The following PPRC1 variants were observed in gnomAD, a reference collection of about 807,000 sequenced individuals.
PPRC1 encodes the protein PPARG related coactivator 1, also known as peroxisome proliferator-activated receptor gamma coactivator-related protein 1.
In PPRC1, 23 loss-of-function variants were observed where a neutral mutation model predicts 132.5. That is an observed-to-expected ratio of 0.17 (90% CI 0.12 to 0.25). The LOEUF (loss-of-function observed/expected upper bound fraction) is 0.25, where lower values mean the gene tolerates loss of function less well. Ranked by LOEUF, PPRC1 falls within the 10% of genes least tolerant of loss-of-function variation. PPRC1 has a pLI of 1.00. For synonymous variants in PPRC1, 872 were observed against 833.5 expected, an observed-to-expected ratio of 1.05 and a Z score of -0.80; for missense variants, 2,006 against 2,089.1, an observed-to-expected ratio of 0.96 and a Z score of 0.78.
At chr10:102,131,808 C>G (rs1200134523), upstream of PPRC1, among the ~76,000 whole-genome samples, 3 of 152,150 alleles carry the variant, frequency 2.0e-5, no homozygotes, top group African/African-American at 7.2e-5. Context: ...CAGATGTGTG[C>G]CACCATGTCC....
chr10:102,142,074 C>G (rs1056044107), intron 5 of PPRC1, 70 bp downstream of exon 5: 56 of 1,482,824 alleles, frequency 3.8e-5, no homozygotes, highest in African/African-American at 9.9e-5. Flanking sequence ...GATAAGCCAC[C>G]CTGATGAGGC....
chr10:102,140,433 T>C lies in PPRC1; in HGVS notation c.1925T>C (p.Val642Ala), dbSNP rs1261606979. 2 of 1,614,192 alleles carry C rather than the reference T, an allele frequency of 1.2e-6. No individual in the cohort carries two copies. Among genetic ancestry groups the C allele is most frequent in the Admixed American group, 1.7e-5 (1 of 60,030 alleles). ...INPVLADSAA[V>A]DPAVVPISDN... is the part of the protein sequence containing the mutation. ...CCAGTCCTGGCTGACTCAGCAGCAGTTGACCCTGCAGTGGTTCCCATCTCA... is the reference window on the plus strand; with the variant it reads ...CCAGTCCTGGCTGACTCAGCAGCAGCTGACCCTGCAGTGGTTCCCATCTCA... Residue 642 changes from valine to alanine, a missense_variant, in exon 5 of 14, where the codon GTT becomes GCT. Val to Ala is a moderately conservative substitution (Grantham distance 64, BLOSUM62 0). This residue lies in a region of PPRC1 where 1,914 missense variants were observed against 1,917.2 expected (regional missense o/e 1.00). Coordinates refer to ENST00000278070, the MANE Select transcript of PPRC1 (RefSeq NM_015062.5).
Position 102,133,041 on chromosome 10 carries a change from G to C in PPRC1, c.-28G>C. 2.4e-6 allele frequency: 3 copies of C among 1,239,742 alleles called. No individual in the cohort carries two copies. Among genetic ancestry groups the C allele is most frequent in the Non-Finnish European group, 3.0e-6 (3 of 987,946 alleles). 76.8% of individuals were successfully genotyped at this position (1,239,742 alleles called of 1,614,324 possible). ...CTGGGCGAGGCGGCGCCAGCGATCA[G>C]AGCAGCGCTGGGTGTTCAGGGGCCA... On this transcript the variant is annotated 5_prime_UTR_variant, in exon 1 of 14. Coordinates refer to ENST00000278070, the MANE Select transcript of PPRC1 (RefSeq NM_015062.5).
chr10:102,130,038 AC>A (rs1396874910), upstream of PPRC1, among the ~76,000 whole-genome samples: 2 of 152,182 alleles, frequency 1.3e-5, no homozygotes, highest in Non-Finnish European at 2.9e-5. Flanking sequence ...TATACAGAAA[AC>A]TGTGAACAAG....
In PPRC1 at chr10:102,148,482, G is replaced by A. The variant is rs1007963069; in HGVS notation, c.4511G>A (p.Arg1504Gln). Reference protein sequence around the residue: ...SSSSSSRSRSRSPSPRRRSDR... With the variant: ...SSSSSSRSRSQSPSPRRRSDR... The stretch of plus-strand genomic sequence containing the variant: ...TCATCCAGTTCTCGAAGCCGCTCAC[G>A]ATCCCCATCCCCCCGCCGGAGAAGT... Residue 1504 changes from arginine to glutamine, a missense_variant, in exon 10 of 14, where the codon CGA becomes CAA. Transcript: ENST00000278070. The surrounding 1 kb of genome is among the most constrained non-coding windows in gnomAD (Gnocchi z 4.2). The A allele has an allele frequency of 5.0e-6, 8 of 1,613,060 alleles. No individual in the cohort carries two copies. Among genetic ancestry groups the A allele is most frequent in the African/African-American group, 1.3e-5 (1 of 74,858 alleles).
chr10:102,144,364 C>A, intron 7 of PPRC1, 57 bp downstream of exon 7: 1 of 1,531,026 alleles, frequency 6.5e-7, no homozygotes, highest in Non-Finnish European at 9.0e-7. Context: ...AGCCGGCTGA[C>A]ACTCCAGGAC....
Position 102,136,321 on chromosome 10 carries a change from G to C in PPRC1, c.154-1529G>C, listed in dbSNP as rs140674392. ...GAGGGTATATATTGCCGGGGTGTGG[G>C]GGGTGGGGGTGTGGAAGACACCTGT... On this transcript the variant is annotated intron_variant, in intron 1 of 13. Transcript: ENST00000278070. Among the ~76,000 whole-genome samples, 1,482 of 152,254 alleles carry C rather than the reference G, an allele frequency of 9.7e-3. 15 individuals are homozygous for C. The highest frequency in any genetic ancestry group is 0.034 in the African/African-American group (1,422 of 41,544).
In PPRC1 at chr10:102,148,252, A is replaced by T; in HGVS notation, c.4401-120A>T. 8.4e-7 allele frequency: 1 copy of T among 1,187,056 alleles called. No homozygotes were observed. Among genetic ancestry groups the T allele is most frequent in the Non-Finnish European group, 1.2e-6 (1 of 837,982 alleles). The allele number at this position is 1,187,056 out of a possible 1,614,324, so 73.5% of individuals were successfully genotyped here. ...AAAATTGTTCTTCTAGACCTCTTCT[A>T]CTCTGCTTTGTCTTTGGTCCTGAGC... On this transcript the variant is annotated intron_variant, in intron 9 of 13. Transcript: ENST00000278070. This position sits in a 1 kb window ranked among gnomAD's most constrained non-coding sequence, Gnocchi z 4.2.
At chr10:102,132,968 T>C (rs2068573388), upstream of PPRC1, 1 of 1,227,678 alleles carries the variant, frequency 8.1e-7, no homozygotes, top group Admixed American at 4.2e-5. Flanking sequence ...CTGGGATTCG[T>C]AGTCTTGCAG....
In PPRC1 at chr10:102,137,911, C is replaced by A; in HGVS notation, c.215C>A (p.Ser72Tyr). Reference protein sequence around the residue: ...GFVSLSRLGPSLRDKDLEMEE... With the variant: ...GFVSLSRLGPYLRDKDLEMEE... ...GTCAGTCTCTCTCGGCTGGGCCCAT[C>A]TCTGAGGGACAAGGACCTGGAAATG... Residue 72 changes from serine (S) to tyrosine (Y), a missense_variant, in exon 2 of 14, where the codon TCT (serine) becomes TAT (tyrosine). This residue lies in a region of PPRC1 where 1,914 missense variants were observed against 1,917.2 expected (regional missense o/e 1.00). Transcript: ENST00000278070. The A allele has an allele frequency of 2.5e-6, 4 of 1,614,140 alleles. No individual in the cohort carries two copies. In the South Asian group the frequency reaches 4.4e-5, roughly 18 times the overall value.
At chr10:102,142,511 C>T (rs552003162) in intron 5 of PPRC1, among the ~76,000 whole-genome samples, 5 of 143,762 alleles carry the variant, frequency 3.5e-5, no homozygotes, top group African/African-American at 5.3e-5. Flanking sequence ...CTCCGCCTCC[C>T]GGGTTCAAGC....
At chr10:102,145,977 C>T (rs1410472032) in intron 8 of PPRC1, among the ~76,000 whole-genome samples, 1 of 152,038 alleles carries the variant, frequency 6.6e-6, no homozygotes, top group Non-Finnish European at 1.5e-5. Context: ...GCTTGAGAAA[C>T]TCTATCAGGT....
In PPRC1 at chr10:102,148,850, C is replaced by T. The variant is rs1422317601; in HGVS notation, c.4651C>T (p.Pro1551Ser). The change falls in exon 12 of 14, where the codon CCT (proline) becomes TCT (serine). Residue 1551 changes from proline to serine, a missense_variant. Transcript: ENST00000278070. This position sits in a 1 kb window ranked among gnomAD's most constrained non-coding sequence, Gnocchi z 4.2. ...AAGGGTGGTCTTCATTGGAAAGATACCTGGCCGCATGACTCGATCAGAGCT... is the reference window on the plus strand; with the variant it reads ...AAGGGTGGTCTTCATTGGAAAGATATCTGGCCGCATGACTCGATCAGAGCT... ...ERRVVFIGKI[P>S]GRMTRSELKQ... The T allele has an allele frequency of 3.1e-6, 5 of 1,614,128 alleles. No individual in the cohort carries two copies. The South Asian group carries it at 3.3e-5, about 11-fold the overall frequency.
At chr10:102,144,110 T>G (rs1217967081) in intron 6 of PPRC1, 140 bp from the exon 7 acceptor site, 3 of 787,292 alleles carry the variant, frequency 3.8e-6, no homozygotes, top group African/African-American at 1.7e-5. Context: ...TGGAGGAGAC[T>G]AGATCTCTTT....
intron 1 of PPRC1, among the ~76,000 whole-genome samples, chr10:102,135,541 G>T (rs1056226518): frequency 1.6e-4 from 25 of 152,062 alleles, no homozygotes; most frequent in Admixed American, 4.6e-4. Context: ...ACCACACATG[G>T]CTAATTTTTG....
intron 5 of PPRC1, 48 bp from the exon 6 acceptor site, chr10:102,142,997 T>C: frequency 1.9e-6 from 3 of 1,542,980 alleles, no homozygotes; most frequent in Non-Finnish European, 2.7e-6. Flanking sequence ...ACCTGTGTAC[T>C]AAGTTGATAG....
intron 12 of PPRC1, 65 bp from the exon 13 acceptor site, chr10:102,149,113 G>A (rs1381900982): frequency 1.3e-6 from 2 of 1,528,956 alleles, no homozygotes; most frequent in East Asian, 2.3e-5. Context: ...TTGGGATGCT[G>A]TGTCTCCTCT....
chr10:102,143,413 A>G (rs895246272), intron 6 of PPRC1, among the ~76,000 whole-genome samples: 4 of 152,152 alleles, frequency 2.6e-5, no homozygotes, highest in Admixed American at 6.5e-5. Flanking sequence ...AGCCTGGCCA[A>G]CATGGTGAAA....
At chr10:102,128,861 GC>G (rs1338795169), upstream of PPRC1, among the ~76,000 whole-genome samples, 3 of 145,516 alleles carry the variant, frequency 2.1e-5, no homozygotes, top group Non-Finnish European at 4.5e-5. Context: ...TGATCCGCCC[GC>G]CTCGGCCTCC....
Sources: allele counts gnomAD v4.1 joint callset (sites outside exome capture counted in the v4.1 genomes callset), GRCh38; gene constraint gnomAD v4.1.1; regional missense constraint gnomAD v4.1.1; non-coding constraint Gnocchi (gnomAD v3.1); transcripts MANE v1.5; gene names NCBI Gene and HGNC (gene_info 2026-07-23, HGNC 2026-07-21).